Variants in LCN1 observed in about 807,000 individuals in gnomAD.
LCN1 encodes the protein lipocalin 1.
A neutral mutation model predicts 22.3 loss-of-function variants in LCN1; 25 were observed. The observed-to-expected ratio is 1.12, with a 90% confidence interval of 0.82 to 1.56. The LOEUF is 1.56. Ranked by LOEUF, LCN1 falls within the 40% of genes most tolerant of loss-of-function variation. The pLI is 0.00. For synonymous variants in LCN1, 85 were observed against 97.6 expected (o/e 0.87, Z 0.76); for missense variants, 219 against 235.6 (o/e 0.93, Z 0.46).
Position 135,526,430 on chromosome 9 carries a change from C to G in LCN1, c.*88C>G, listed in dbSNP as rs1831653295. 7.8e-7 allele frequency: 1 copy of G among 1,286,480 alleles called. No homozygotes were observed. Among genetic ancestry groups the G allele is most frequent in the Non-Finnish European group, 1.0e-6 (1 of 987,446 alleles). 79.7% of individuals were successfully genotyped at this position (1,286,480 alleles called of 1,614,324 possible). On this transcript the variant is annotated 3_prime_UTR_variant, in exon 7 of 7. Transcript: ENST00000371781. ...TCACAGGGACATGGAAAAAGCTCCC[C>G]ACCCCTGCAGAACGCGGCTGGCTGC...
chr9:135,522,640 C>T (rs1564228969), intron 2 of LCN1, among the ~76,000 whole-genome samples: 1 of 152,222 alleles, frequency 6.6e-6, no homozygotes, highest in Non-Finnish European at 1.5e-5. Context: ...CGGCTCTCAC[C>T]TGGGCTGCTT....
Position 135,522,105 on chromosome 9 carries a change from A to C in LCN1, c.149A>C (p.Asn50Thr). Residue 50 changes from asparagine to threonine, a missense_variant, in exon 2 of 7, where the codon AAT becomes ACT. Transcript: ENST00000371781. ...MTVDREFPEM[N>T]LESVTPMTLT... Reference sequence around the variant, plus strand: ...GTGGACAGGGAGTTCCCTGAGATGAATCTGGAATCGGTGACACCCATGACC... The same window carrying C: ...GTGGACAGGGAGTTCCCTGAGATGACTCTGGAATCGGTGACACCCATGACC... The C allele has an allele frequency of 6.3e-7, 1 of 1,597,000 alleles. No individual in the cohort carries two copies. Among genetic ancestry groups the C allele is most frequent in the Non-Finnish European group, 8.5e-7 (1 of 1,172,030 alleles).
Position 135,523,262 on chromosome 9 carries a change from C to T in LCN1, c.252C>T (p.Ala84=), listed in dbSNP as rs376075339. The stretch of plus-strand genomic sequence containing the variant: ...GTGGCCGGTGCCAGGAGGTGAAGGC[C>T]GTCCTGGAGAAAACTGACGAGCCGG... ...LISGRCQEVK[A]VLEKTDEPGK... The change falls in exon 3 of 7, where the codon GCC becomes GCT. Residue 84 remains alanine (A), a synonymous_variant. Coordinates refer to ENST00000371781, the MANE Select transcript of LCN1 (RefSeq NM_002297.4). 1.9e-6 allele frequency: 3 copies of T among 1,612,630 alleles called. No individual in the cohort carries two copies. The highest frequency in any genetic ancestry group is 1.1e-5 in the South Asian group (1 of 90,940).
chr9:135,525,536 C>A (rs1044969073), intron 6 of LCN1, among the ~76,000 whole-genome samples: 1 of 152,150 alleles, frequency 6.6e-6, no homozygotes, highest in African/African-American at 2.4e-5. Flanking sequence ...CTCAAAGATT[C>A]AGCAAAGTGG....
At chr9:135,522,790 A>AT (rs112377568) in intron 2 of LCN1, among the ~76,000 whole-genome samples, 2 of 151,364 alleles carry the variant, frequency 1.3e-5, no homozygotes, top group Admixed American at 6.6e-5. Context: ...AATGACCCCG[A>AT]TTTTTTTTTC....
At chr9:135,524,055 C>G in intron 4 of LCN1, 65 bp downstream of exon 4, 1 of 1,212,430 alleles carries the variant, frequency 8.2e-7, no homozygotes, top group Non-Finnish European at 1.2e-6. Context: ...CCTCGGCCTC[C>G]TGCACCCTCT....
rs970720276 is a variant in LCN1, at chr9:135,523,424, C to T, written c.292+122C>T. The T allele has an allele frequency of 2.5e-5, 20 of 795,472 alleles. 1 individual carries two copies. Among genetic ancestry groups the T allele is most frequent in the Middle Eastern group, 6.8e-4 (2 of 2,950 alleles). The allele number at this position is 795,472 out of a possible 1,614,324, so 49.3% of individuals were successfully genotyped here. ...AGCCTTTTGCTGCCTTCTGACTCCA[C>T]TAAAAGCCCACTCTCTTCTCCCACT... On this transcript the variant is annotated intron_variant, in intron 3 of 6. Coordinates refer to ENST00000371781, the MANE Select transcript of LCN1 (RefSeq NM_002297.4).
chr9:135,525,758 G>A (rs1445697246), intron 6 of LCN1, among the ~76,000 whole-genome samples: 2 of 151,978 alleles, frequency 1.3e-5, no homozygotes, highest in East Asian at 3.9e-4. Flanking sequence ...GCCTGCGGGG[G>A]TGGTCCCTGC....
intron 6 of LCN1, among the ~76,000 whole-genome samples, chr9:135,525,447 A>G (rs1358888460): frequency 1.3e-5 from 2 of 152,118 alleles, no homozygotes; most frequent in Non-Finnish European, 2.9e-5. Context: ...CATGGGCAGG[A>G]GCAGGCAGGA....
intron 6 of LCN1, among the ~76,000 whole-genome samples, chr9:135,525,516 C>T (rs948948153): frequency 1.3e-5 from 2 of 152,136 alleles, no homozygotes; most frequent in African/African-American, 4.8e-5. Flanking sequence ...TCCACTTACC[C>T]GATAAGTTGC....
rs143570737 is a variant in LCN1 at position 135,523,950 on chromosome 9, C to T, written c.363C>T (p.Gly121=). Residue 121 remains glycine (G), a synonymous_variant, in exon 4 of 7, where the codon GGC becomes GGT. Transcript: ENST00000371781. ...VKDHYIFYCE[G]ELHGKPVRGV... ...ACCACTACATCTTTTACTGTGAGGG[C>T]GAGCTGCACGGGAAGCCGGTCCGAG... 2.9e-3 allele frequency: 4,733 copies of T among 1,614,000 alleles called. 121 individuals carry two copies. Among genetic ancestry groups the T allele is most frequent in the Non-Finnish European group, 6.0e-4 (710 of 1,179,946 alleles).
intron 4 of LCN1, 113 bp from the exon 5 acceptor site, chr9:135,524,717 C>A: frequency 1.3e-6 from 1 of 789,466 alleles, no homozygotes; most frequent in Non-Finnish European, 2.0e-6. Context: ...TTCAATTCCC[C>A]CCACGGTGGG....
chr9:135,522,409 G>A (rs1831523521), intron 2 of LCN1, among the ~76,000 whole-genome samples: 1 of 152,226 alleles, frequency 6.6e-6, no homozygotes, highest in African/African-American at 2.4e-5. Flanking sequence ...GGCAGCCCTG[G>A]GTACCGCCCA....
chr9:135,524,315 G>A (rs1031842975), intron 4 of LCN1, among the ~76,000 whole-genome samples: 1 of 152,178 alleles, frequency 6.6e-6, no homozygotes, highest in African/African-American at 2.4e-5. Flanking sequence ...GCGCGTTCCT[G>A]TGGGGTGTCC....
At chr9:135,524,122 G>A in intron 4 of LCN1, 132 bp downstream of exon 4, 1 of 682,956 alleles carries the variant, frequency 1.5e-6, no homozygotes, top group Non-Finnish European at 2.5e-6. Flanking sequence ...CTTAGGATGA[G>A]TTTTCCTGAT....
intron 6 of LCN1, 139 bp from the exon 7 acceptor site, chr9:135,526,205 G>A (rs556034479): frequency 5.3e-5 from 8 of 150,290 alleles, no homozygotes; most frequent in African/African-American, 1.3e-4. Flanking sequence ...AGAGTGCAGC[G>A]TGTGCCCCCC....
intron 6 of LCN1, among the ~76,000 whole-genome samples, chr9:135,525,563 C>T (rs1008862188): frequency 3.9e-5 from 6 of 152,122 alleles, no homozygotes; most frequent in African/African-American, 7.2e-5. Context: ...TGCCTGTGCT[C>T]GCTGTGTCAG....
chr9:135,525,177 A>G lies in LCN1; in HGVS notation c.*1+19A>G. 6.2e-7 allele frequency: 1 copy of G among 1,611,708 alleles called. No individual in the cohort carries two copies. Among genetic ancestry groups the G allele is most frequent in the Non-Finnish European group, 8.5e-7 (1 of 1,178,840 alleles). ...GATTAGGGTGAGTGAACAGCTTTAG[A>G]GGACATTTGAGAAAATCCAGTTCTG... On this transcript the variant is annotated intron_variant, in intron 6 of 6. Transcript: ENST00000371781.
chr9:135,521,883 A>G (rs1416890522), intron 1 of LCN1, among the ~76,000 whole-genome samples, 164 bp from the exon 2 acceptor site: 4 of 151,116 alleles, frequency 2.6e-5, no homozygotes, highest in South Asian at 4.3e-4. Flanking sequence ...GCCACCTTCA[A>G]GTGGGCCTGG....
Sources: allele counts gnomAD v4.1 joint callset (sites outside exome capture counted in the v4.1 genomes callset), GRCh38; gene constraint gnomAD v4.1.1; transcripts MANE v1.5; gene names NCBI Gene and HGNC (gene_info 2026-07-23, HGNC 2026-07-21).